The following PDSS2 variants were observed in gnomAD, a reference collection of about 807,000 sequenced individuals.
PDSS2 encodes the protein all trans-polyprenyl-diphosphate synthase PDSS2.
A neutral mutation model predicts 44.5 loss-of-function variants in PDSS2; 31 were observed. That is an observed-to-expected ratio of 0.70 (90% CI 0.52 to 0.94). The LOEUF (loss-of-function observed/expected upper bound fraction) is 0.94. Among genes scored for constraint, PDSS2 ranks in the 40% least tolerant of loss-of-function variants. PDSS2 has a pLI of 0.00. For missense variants in PDSS2, 452 were observed against 482.2 expected (o/e 0.94, Z 0.59); for synonymous variants, 157 against 180.3 (o/e 0.87, Z 1.03).
intron 6 of PDSS2, among the ~76,000 whole-genome samples, chr6:107,208,918 T>A (rs947868708): frequency 2.0e-5 from 3 of 152,032 alleles, no homozygotes; most frequent in Admixed American, 2.0e-4. Context: ...GTTTTCTTAT[T>A]TTTTTTCTTT....
chr6:107,201,143 AG>A (rs1384422351), intron 6 of PDSS2, among the ~76,000 whole-genome samples: 1 of 152,104 alleles, frequency 6.6e-6, no homozygotes, highest in East Asian at 1.9e-4. Flanking sequence ...CTTCATTACT[AG>A]GGTCTTTAAA....
chr6:107,312,162 T>C (rs563070773), intron 2 of PDSS2, among the ~76,000 whole-genome samples: 1 of 152,192 alleles, frequency 6.6e-6, no homozygotes, highest in Admixed American at 6.5e-5. Flanking sequence ...AGTGCAAGAA[T>C]AGTTATTCCT....
rs140335889 is a variant in PDSS2 at position 107,270,472 on chromosome 6, C to T, written c.630+3557G>A. ...GGCCTGAAGTGTATTTTTTATCTGA[C>T]ATCAGTTACAACTCCCAAATCATAT... is the stretch of plus-strand genomic sequence containing the variant. On this transcript the variant is annotated intron_variant, in intron 3 of 7. Coordinates refer to ENST00000369037, the MANE Select transcript of PDSS2 (RefSeq NM_020381.4). 6.3e-3 allele frequency among the ~76,000 whole-genome samples: 966 copies of T among 152,256 alleles called. 15 individuals carry two copies. The highest frequency in any genetic ancestry group is 0.022 in the African/African-American group (932 of 41,542).
At chr6:107,248,531 A>T (rs1218456543) in intron 3 of PDSS2, among the ~76,000 whole-genome samples, 1 of 151,798 alleles carries the variant, frequency 6.6e-6, no homozygotes, top group African/African-American at 2.4e-5. Flanking sequence ...AAAAAAAAAA[A>T]AAAAAAGCAG....
chr6:107,245,671 T>C (rs1240542719), intron 3 of PDSS2, 52 bp from the exon 4 acceptor site: 1 of 1,138,668 alleles, frequency 8.8e-7, no homozygotes, highest in Admixed American at 2.1e-5. Context: ...ATATCTCTAT[T>C]GTTACCTCAG....
rs372725431 is a variant in PDSS2 at position 107,379,186 on chromosome 6, T to C, written c.297-44854A>G. 7.9e-5 allele frequency among the ~76,000 whole-genome samples: 12 copies of C among 152,376 alleles called. No homozygotes were observed. In the South Asian group the frequency reaches 2.3e-3, roughly 29 times the overall value. On this transcript the variant is annotated intron_variant, in intron 1 of 7. Transcript: ENST00000369037. ...ATTTATTCAATCATTTATATCAGCATGGACTCATGGATATTTATAGTATGC... is the reference window on the plus strand; with the variant it reads ...ATTTATTCAATCATTTATATCAGCACGGACTCATGGATATTTATAGTATGC...
At chr6:107,195,269 C>T (rs1772515544) in intron 6 of PDSS2, among the ~76,000 whole-genome samples, 1 of 151,776 alleles carries the variant, frequency 6.6e-6, no homozygotes, top group Non-Finnish European at 1.5e-5. Context: ...TTGTTTGAGC[C>T]CGTGAGTTCA....
intron 2 of PDSS2, among the ~76,000 whole-genome samples, chr6:107,313,690 T>G (rs746924207): frequency 1.3e-5 from 2 of 152,200 alleles, no homozygotes; most frequent in Non-Finnish European, 2.9e-5. Context: ...GGGCCCAATT[T>G]AATCTTTAAT....
intron 7 of PDSS2, among the ~76,000 whole-genome samples, chr6:107,187,733 A>G (rs895324046): frequency 6.6e-6 from 1 of 151,892 alleles, no homozygotes; most frequent in African/African-American, 2.4e-5. Flanking sequence ...ACCTCTCCTA[A>G]CCTCCTGTAC....
At chr6:107,174,740 A>G (rs1483407235) in intron 7 of PDSS2, among the ~76,000 whole-genome samples, 1 of 152,260 alleles carries the variant, frequency 6.6e-6, no homozygotes, top group Non-Finnish European at 1.5e-5. Context: ...TCTTAATCTG[A>G]CAAAACTAGA....
chr6:107,416,070 T>C (rs1426727425), intron 1 of PDSS2, among the ~76,000 whole-genome samples: 2 of 152,226 alleles, frequency 1.3e-5, no homozygotes, highest in Middle Eastern at 3.2e-3. Flanking sequence ...TGCTAGTTCT[T>C]ACCAGGGAAG....
chr6:107,315,152 A>AT (rs1777162500), intron 2 of PDSS2, among the ~76,000 whole-genome samples: 1 of 152,306 alleles, frequency 6.6e-6, no homozygotes, highest in East Asian at 1.9e-4. Context: ...CCATTTTTAA[A>AT]TTTTTATAGC....
intron 7 of PDSS2, among the ~76,000 whole-genome samples, chr6:107,167,848 T>G (rs1771411401): frequency 6.6e-6 from 1 of 152,186 alleles, no homozygotes; most frequent in Non-Finnish European, 1.5e-5. Context: ...AGAGACAGTT[T>G]GTTATAATTT....
intron 1 of PDSS2, among the ~76,000 whole-genome samples, chr6:107,344,758 T>C (rs1308073699): frequency 6.6e-6 from 1 of 152,122 alleles, no homozygotes; most frequent in Non-Finnish European, 1.5e-5. Context: ...TATACTGAAA[T>C]ATAACTGAAA....
intron 7 of PDSS2, among the ~76,000 whole-genome samples, chr6:107,161,785 T>C (rs1469388639): frequency 2.0e-5 from 3 of 152,192 alleles, no homozygotes; most frequent in Non-Finnish European, 4.4e-5. Context: ...CAAGTACTAG[T>C]GCTATGAATG....
intron 1 of PDSS2, among the ~76,000 whole-genome samples, chr6:107,429,897 AAAAAATATAT>A (rs1292383462): frequency 4.8e-5 from 2 of 41,256 alleles, no homozygotes; most frequent in East Asian, 1.2e-3. Flanking sequence ...AAAAAAAAAA[AAAAAATATAT>A]ATATATATAT....
intron 4 of PDSS2, among the ~76,000 whole-genome samples, chr6:107,243,775 C>G (rs1010325742): frequency 1.3e-5 from 2 of 152,160 alleles, no homozygotes; most frequent in African/African-American, 2.4e-5. Flanking sequence ...TAGGTGAGGA[C>G]AGGCACTCCT....
chr6:107,305,875 G>A (rs1776843185), intron 2 of PDSS2, among the ~76,000 whole-genome samples: 1 of 151,988 alleles, frequency 6.6e-6, no homozygotes, highest in African/African-American at 2.4e-5. Context: ...TAGTGCGGAG[G>A]GGCCTTAACA....
chr6:107,330,483 G>C (rs1445628447), intron 2 of PDSS2, among the ~76,000 whole-genome samples: 2 of 152,196 alleles, frequency 1.3e-5, no homozygotes, highest in East Asian at 1.9e-4. Context: ...AGTTAGAAGA[G>C]AAGATTGAGT....
Sources: allele counts gnomAD v4.1 joint callset (sites outside exome capture counted in the v4.1 genomes callset), GRCh38; gene constraint gnomAD v4.1.1; transcripts MANE v1.5; gene names NCBI Gene and HGNC (gene_info 2026-07-23, HGNC 2026-07-21).